Variants in EPHB1 observed in about 807,000 individuals in gnomAD.
The protein encoded by EPHB1 is EPH receptor B1.
In EPHB1, 30 loss-of-function variants were observed where a neutral mutation model predicts 94.4. The ratio of observed to expected loss-of-function variants is 0.32; its 90% CI spans 0.24 to 0.43. EPHB1 has a LOEUF of 0.43. Ranked by LOEUF, EPHB1 falls within the 20% of genes least tolerant of loss-of-function variation. The pLI is 1.00. For synonymous variants in EPHB1, 522 were observed against 489.1 expected (o/e 1.07, Z -0.89); for missense variants, 1,055 against 1,308.3 (o/e 0.81, Z 2.99).
At chr3:135,255,689 A>C (rs572779303) in intron 15 of EPHB1, among the ~76,000 whole-genome samples, 298 of 151,458 alleles carry the variant, frequency 2.0e-3, no homozygotes, top group African/African-American at 7.0e-3. Context: ...AAAAGTGTTT[A>C]TTCTGTTGAC....
At chr3:135,075,128 G>A (rs1181671499) in intron 3 of EPHB1, among the ~76,000 whole-genome samples, 1 of 152,196 alleles carries the variant, frequency 6.6e-6, no homozygotes, top group Non-Finnish European at 1.5e-5. Context: ...CAGTTTCAAA[G>A]TATGAGCCTT....
intron 12 of EPHB1, among the ~76,000 whole-genome samples, chr3:135,222,504 C>A (rs1365913047): frequency 2.0e-5 from 3 of 152,136 alleles, no homozygotes; most frequent in Non-Finnish European, 4.4e-5. Flanking sequence ...AAAGCCTTAG[C>A]ACAATGAGAA....
At chr3:135,005,233 G>A (rs7624126) in intron 3 of EPHB1, among the ~76,000 whole-genome samples, 2 of 152,222 alleles carry the variant, frequency 1.3e-5, no homozygotes, top group Non-Finnish European at 2.9e-5. Context: ...AAGTGTCAGT[G>A]TGCCCCTGCT....
chr3:135,167,057 A>G, intron 9 of EPHB1, 51 bp downstream of exon 9: 1 of 1,587,246 alleles, frequency 6.3e-7, no homozygotes, highest in Admixed American at 1.7e-5. Context: ...CCACTGAGTC[A>G]AGTGGGCTAG....
intron 1 of EPHB1, among the ~76,000 whole-genome samples, chr3:134,805,671 G>GC (rs2036030121): frequency 6.6e-6 from 1 of 152,128 alleles, no homozygotes; most frequent in Non-Finnish European, 1.5e-5. Flanking sequence ...CCACACAGAG[G>GC]CCCTTCTGAC....
chr3:134,911,258 A>G (rs1237666880), intron 1 of EPHB1, among the ~76,000 whole-genome samples: 4 of 152,222 alleles, frequency 2.6e-5, no homozygotes, highest in South Asian at 2.1e-4. Context: ...TCCTGGCACT[A>G]TTCTCTCAGA....
At chr3:135,230,614 C>T (rs1361871765) in intron 12 of EPHB1, among the ~76,000 whole-genome samples, 1 of 152,118 alleles carries the variant, frequency 6.6e-6, no homozygotes, top group Non-Finnish European at 1.5e-5. Flanking sequence ...TTGGCTTTTA[C>T]TTTAGATACA....
At chr3:134,982,627 A>C (rs952795433) in intron 3 of EPHB1, among the ~76,000 whole-genome samples, 1 of 152,178 alleles carries the variant, frequency 6.6e-6, no homozygotes, top group Non-Finnish European at 1.5e-5. Flanking sequence ...AACTACAATT[A>C]AACACACAGA....
At chr3:135,133,174 G>A in intron 5 of EPHB1, 125 bp downstream of exon 5, 2 of 964,024 alleles carry the variant, frequency 2.1e-6, no homozygotes, top group Non-Finnish European at 3.1e-6. Flanking sequence ...CAGGAGTGAA[G>A]GTGTCAGGTG....
At chr3:134,813,030 T>A (rs2108286835) in intron 1 of EPHB1, among the ~76,000 whole-genome samples, 1 of 152,196 alleles carries the variant, frequency 6.6e-6, no homozygotes, top group East Asian at 1.9e-4. Flanking sequence ...TGGGTTGCCC[T>A]GTTGTGCCGA....
chr3:135,217,493 GAT>G (rs1943180284), intron 12 of EPHB1, among the ~76,000 whole-genome samples: 1 of 151,590 alleles, frequency 6.6e-6, no homozygotes, highest in South Asian at 2.1e-4. Context: ...GAGAGAGAGA[GAT>G]GTGTGTAGTG....
intron 1 of EPHB1, among the ~76,000 whole-genome samples, chr3:134,808,073 CA>C (rs545966623): frequency 1.3e-5 from 2 of 151,870 alleles, no homozygotes; most frequent in Non-Finnish European, 2.9e-5. Context: ...TAGAAAATGG[CA>C]AAAAAAGTAG....
chr3:134,950,891 G>C (rs1933001512), intron 2 of EPHB1, among the ~76,000 whole-genome samples: 1 of 152,216 alleles, frequency 6.6e-6, no homozygotes, highest in Admixed American at 6.5e-5. Context: ...TTAAATTCAT[G>C]TGCTTTTCAG....
chr3:134,967,640 G>A (rs988351896), intron 3 of EPHB1, among the ~76,000 whole-genome samples: 1 of 152,088 alleles, frequency 6.6e-6, no homozygotes, highest in Non-Finnish European at 1.5e-5. Flanking sequence ...CAGCAAGAAG[G>A]CCCTCACCAG....
intron 9 of EPHB1, 85 bp downstream of exon 9, chr3:135,167,091 A>G (rs1941671980): frequency 2.0e-6 from 3 of 1,504,728 alleles, no homozygotes; most frequent in African/African-American, 2.8e-5. Flanking sequence ...CTTTATAGCC[A>G]GACTGGCTGG....
chr3:134,803,600 T>C (rs1028009613), intron 1 of EPHB1, among the ~76,000 whole-genome samples: 10 of 152,326 alleles, frequency 6.6e-5, no homozygotes, highest in African/African-American at 1.2e-4. Flanking sequence ...CAACCACTCA[T>C]TGAGCATTTG....
chr3:134,864,294 A>C (rs925365932), intron 1 of EPHB1, among the ~76,000 whole-genome samples: 8 of 152,200 alleles, frequency 5.3e-5, no homozygotes, highest in Non-Finnish European at 1.5e-5. Context: ...CCCAAAGGCC[A>C]GGGGTCTCAT....
chr3:134,827,238 CT>C (rs909986304), intron 1 of EPHB1, among the ~76,000 whole-genome samples: 2 of 152,234 alleles, frequency 1.3e-5, no homozygotes, highest in Admixed American at 1.3e-4. Flanking sequence ...ATGCTGGGAT[CT>C]GGCCAGGTTT....
chr3:134,821,054 G>T (rs891381339), intron 1 of EPHB1, among the ~76,000 whole-genome samples: 3 of 152,196 alleles, frequency 2.0e-5, no homozygotes, highest in Non-Finnish European at 4.4e-5. Context: ...TAATGGTGTA[G>T]TTCTGTCTGA....
Sources: allele counts gnomAD v4.1 joint callset (sites outside exome capture counted in the v4.1 genomes callset), GRCh38; gene constraint gnomAD v4.1.1; transcripts MANE v1.5; gene names NCBI Gene and HGNC (gene_info 2026-07-23, HGNC 2026-07-21).